PCDHGA5: variants seen among roughly 807,000 people sequenced by gnomAD.
PCDHGA5 encodes protocadherin gamma-A5.
In PCDHGA5, 36 loss-of-function variants were observed where a neutral mutation model predicts 56.7. The ratio of observed to expected loss-of-function variants is 0.64; its 90% CI spans 0.49 to 0.84. The LOEUF (loss-of-function observed/expected upper bound fraction) is 0.84. Ranked by LOEUF, PCDHGA5 falls within the 40% of genes least tolerant of loss-of-function variation. PCDHGA5 has a pLI of 0.00. For synonymous variants in PCDHGA5, 563 were observed against 520.2 expected (o/e 1.08, Z -1.12); for missense variants, 1,305 against 1,201.5 (o/e 1.09, Z -1.27).
intron 1 of PCDHGA5, chr5:141,371,668 C>A: frequency 6.2e-7 from 1 of 1,614,026 alleles, no homozygotes; most frequent in Middle Eastern, 1.6e-4. Context: ...ATCACAGCTA[C>A]CGACAAAGGC....
intron 1 of PCDHGA5, among the ~76,000 whole-genome samples, chr5:141,457,632 G>A (rs919693977): frequency 6.6e-6 from 1 of 152,142 alleles, no homozygotes; most frequent in African/African-American, 2.4e-5. Flanking sequence ...CTTATACTTG[G>A]CCTGATTATT....
chr5:141,501,328 CACACA>C (rs1562200832), intron 2 of PCDHGA5, among the ~76,000 whole-genome samples: 17 of 151,710 alleles, frequency 1.1e-4, no homozygotes, highest in African/African-American at 1.9e-4. Context: ...CACACACACA[CACACA>C]CCCCAAACTC....
intron 1 of PCDHGA5, chr5:141,385,190 G>C (rs899564761): frequency 3.7e-6 from 6 of 1,614,166 alleles, no homozygotes; most frequent in Non-Finnish European, 5.1e-6. Context: ...GCGGACTCTC[G>C]GAAGAGTCAC....
At chr5:141,509,071 G>T (rs1209992467) in intron 3 of PCDHGA5, among the ~76,000 whole-genome samples, 1 of 152,176 alleles carries the variant, frequency 6.6e-6, no homozygotes, top group Admixed American at 6.5e-5. Flanking sequence ...CAGCTCCGGG[G>T]ATTTGCGACA....
intron 1 of PCDHGA5, chr5:141,468,354 GA>G (rs910554966): frequency 7.0e-6 from 1 of 143,440 alleles, no homozygotes. Context: ...AAAAAAGAAA[GA>G]AAAAAGAAAT....
intron 1 of PCDHGA5, chr5:141,404,311 T>G (rs746092761): frequency 1.9e-6 from 3 of 1,613,924 alleles, no homozygotes. Flanking sequence ...CTGCTTTCTC[T>G]CAAGCCTCCT....
intron 1 of PCDHGA5, chr5:141,423,330 C>G (rs932335651): frequency 9.9e-6 from 16 of 1,614,056 alleles, no homozygotes; most frequent in Middle Eastern, 1.6e-4. Flanking sequence ...TGGCCGCAGT[C>G]TCCTGCATCT....
At chr5:141,410,260 T>C in intron 1 of PCDHGA5, 1 of 1,614,054 alleles carries the variant, frequency 6.2e-7, no homozygotes, top group Non-Finnish European at 8.5e-7. Context: ...ACCCCCAGGC[T>C]GAACTGCAGT....
chr5:141,461,392 A>G (rs781666201), intron 1 of PCDHGA5, among the ~76,000 whole-genome samples: 18 of 152,178 alleles, frequency 1.2e-4, no homozygotes, highest in Non-Finnish European at 2.2e-4. Context: ...ATGATTAGCG[A>G]TGTTGAGCAT....
rs151239937 is a variant in PCDHGA5, at chr5:141,485,980, G to A, written c.2422-8827G>A. 1.9e-6 allele frequency: 3 copies of A among 1,614,020 alleles called. No homozygotes were observed. The highest frequency in any genetic ancestry group is 2.5e-6 in the Non-Finnish European group (3 of 1,180,004). Reference sequence around the variant, plus strand: ...TCATCCAGCTCAATGCCTCAGACCCGGACCTGGGTCCCAGTGGTAACGTCA... The same window carrying A: ...TCATCCAGCTCAATGCCTCAGACCCAGACCTGGGTCCCAGTGGTAACGTCA... On this transcript the variant is annotated intron_variant, in intron 1 of 3. Coordinates refer to ENST00000518069, the MANE Select transcript of PCDHGA5 (RefSeq NM_018918.3). The surrounding 1 kb of genome is among the most constrained non-coding windows in gnomAD (Gnocchi z 5.7).
chr5:141,507,619 G>T (rs1237918589), intron 3 of PCDHGA5, among the ~76,000 whole-genome samples: 22 of 152,256 alleles, frequency 1.4e-4, no homozygotes, highest in Admixed American at 1.4e-3. Context: ...ATATTTAGCT[G>T]TTGTGGCCTT....
intron 1 of PCDHGA5, chr5:141,408,896 GT>G: frequency 6.2e-7 from 1 of 1,613,328 alleles, no homozygotes; most frequent in Non-Finnish European, 8.5e-7. Context: ...AGAAATTTCT[GT>G]CAAGGATACC....
chr5:141,383,984 T>C, intron 1 of PCDHGA5: 1 of 1,613,834 alleles, frequency 6.2e-7, no homozygotes, highest in African/African-American at 1.3e-5. Context: ...GACACACCTC[T>C]TGGGACAGTC....
At position 141,404,150 on chromosome 5, in the gene PCDHGA5, G is replaced by A. The variant is rs1325217999; in HGVS notation, c.2421+37399G>A. ...TTTTACATTAGAAAATTCAGAAGAA[G>A]ATTATTACAGATTGTTGACGGCCCA... is the stretch of plus-strand genomic sequence containing the variant. On this transcript the variant is annotated intron_variant, in intron 1 of 3. Coordinates refer to ENST00000518069, the MANE Select transcript of PCDHGA5 (RefSeq NM_018918.3). 5.0e-6 allele frequency: 8 copies of A among 1,612,830 alleles called. 1 individual carries two copies. In the Middle Eastern group the frequency reaches 6.6e-4, roughly 133 times the overall value.
rs1284989963 is a variant in PCDHGA5 at position 141,419,134 on chromosome 5, A to T, written c.2421+52383A>T. On this transcript the variant is annotated intron_variant, in intron 1 of 3. Transcript: ENST00000518069. ...AGTACAACGTCACCATCGCAGCCAC[A>T]GACAGGGGCAAGCCTCCGTTATCCT... is the stretch of plus-strand genomic sequence containing the variant. 2.5e-6 allele frequency: 4 copies of T among 1,613,826 alleles called. No individual in the cohort carries two copies. In the African/African-American group the frequency reaches 5.3e-5, roughly 22 times the overall value.
At position 141,364,471 on chromosome 5, in the gene PCDHGA5, C is replaced by T. The variant is rs1307954673; in HGVS notation, c.141C>T (p.Asn47=). 5 of 1,613,918 alleles carry T rather than the reference C, an allele frequency of 3.1e-6. No homozygotes were observed. Among genetic ancestry groups the T allele is most frequent in the Non-Finnish European group, 4.2e-6 (5 of 1,179,908 alleles). ...EELDKGSFVG[N]IAKDLGLEPQ... is the part of the protein sequence containing the mutation. ...TGGACAAAGGCTCCTTCGTCGGCAA[C>T]ATAGCCAAGGACCTTGGGCTGGAGC... The change falls in exon 1 of 4, where the codon AAC becomes AAT. Residue 47 remains asparagine, a synonymous_variant. Coordinates refer to ENST00000518069, the MANE Select transcript of PCDHGA5 (RefSeq NM_018918.3).
At position 141,379,889 on chromosome 5, in the gene PCDHGA5, C is replaced by CTTTTTTTTTTTTTTT. The variant is rs70988800; in HGVS notation, c.2421+13154_2421+13168dup. On this transcript the variant is annotated intron_variant, in intron 1 of 3. Coordinates refer to ENST00000518069, the MANE Select transcript of PCDHGA5 (RefSeq NM_018918.3). ...CTTATTTTATGGTCTGTGAAAGCCT[C>CTTTTTTTTTTTTTTT]TTTTTTTTTTTTTTTTTTTTTTTTT... Among the ~76,000 whole-genome samples, 120 of 50,828 alleles carry CTTTTTTTTTTTTTTT rather than the reference C, an allele frequency of 2.4e-3. 21 individuals carry two copies. The highest frequency in any genetic ancestry group is 3.0e-3 in the Non-Finnish European group (77 of 25,882). 33.3% of individuals were successfully genotyped at this position (50,828 alleles called of 152,430 possible).
intron 1 of PCDHGA5, chr5:141,382,631 T>G: frequency 2.7e-6 from 1 of 365,186 alleles, no homozygotes; most frequent in South Asian, 9.0e-5. Flanking sequence ...TGTGCATCAA[T>G]GTGGTGCAGT....
chr5:141,459,613 C>A (rs1040874685), intron 1 of PCDHGA5, among the ~76,000 whole-genome samples: 1 of 152,188 alleles, frequency 6.6e-6, no homozygotes, highest in African/African-American at 2.4e-5. Context: ...ATATGCTTAA[C>A]TTTATAAGAA....
Sources: allele counts gnomAD v4.1 joint callset (sites outside exome capture counted in the v4.1 genomes callset), GRCh38; gene constraint gnomAD v4.1.1; non-coding constraint Gnocchi (gnomAD v3.1); transcripts MANE v1.5; gene names NCBI Gene and HGNC (gene_info 2026-07-23, HGNC 2026-07-21).